The following TXLNB variants were observed in gnomAD, a reference collection of about 807,000 sequenced individuals.
TXLNB encodes beta-taxilin.
Under a neutral mutation model 57.4 loss-of-function variants are expected in TXLNB, and 37 were observed. The ratio of observed to expected loss-of-function variants is 0.64; its 90% CI spans 0.50 to 0.85. The LOEUF (loss-of-function observed/expected upper bound fraction) is 0.85. TXLNB is among the 40% of genes least tolerant of loss of function. The probability of loss-of-function intolerance (pLI) is 0.00; values close to 1 mark genes in which losing one functional copy is unlikely to be tolerated. For missense variants in TXLNB, 848 were observed against 825.6 expected (o/e 1.03, Z -0.33); for synonymous variants, 302 against 309.6 (o/e 0.98, Z 0.26).
At chr6:139,322,863 G>A in the TXLNB span, among the ~76,000 whole-genome samples, 1 of 152,134 alleles carries the variant, frequency 6.6e-6, no homozygotes, top group Non-Finnish European at 1.5e-5. Context: ...CCTCTTGCCT[G>A]TATGTTGCAT....
chr6:139,161,565 G>A, the TXLNB span, among the ~76,000 whole-genome samples: 1 of 152,218 alleles, frequency 6.6e-6, no homozygotes, highest in East Asian at 1.9e-4. Context: ...TGTAGGAAGT[G>A]CTCAGTATTG....
chr6:139,276,924 T>C lies in TXLNB; in HGVS notation c.425-3A>G, dbSNP rs754871101. The C allele has an allele frequency of 3.5e-6, 5 of 1,415,850 alleles. No individual in the cohort carries two copies. Among genetic ancestry groups the C allele is most frequent in the Non-Finnish European group, 2.9e-6 (3 of 1,049,028 alleles). The allele number at this position is 1,415,850 out of a possible 1,614,324, so 87.7% of individuals were successfully genotyped here. On this transcript the variant is annotated splice_region_variant and splice_polypyrimidine_tract_variant and intron_variant, in intron 2 of 9. Transcript: ENST00000358430. Reference sequence around the variant, plus strand: ...CATTAGCAGGTTGGCTTCTTTGCCTTAAAAAAAAAAGACATGAAAAAAATA... The same window carrying C: ...CATTAGCAGGTTGGCTTCTTTGCCTCAAAAAAAAAAGACATGAAAAAAATA...
Position 139,255,566 on chromosome 6 carries a change from G to A in TXLNB, c.1075C>T (p.Gln359Ter). The change falls in exon 7 of 10, where the codon CAG (glutamine) becomes TAG (stop). Residue 359 changes from glutamine (Q) to a stop codon, truncating the protein, a stop_gained and splice_region_variant. Transcript: ENST00000358430. LOFTEE classifies it high-confidence loss of function. The stretch of plus-strand genomic sequence containing the variant: ...ATGCCTCGTCCACCTGGCCTCACCT[G>A]AGCCTGCAGGACTGTCTCTTGCTCC... ...LKEQETVLQA[Q>*]LTLYSGRFEE... 1.2e-6 allele frequency: 2 copies of A among 1,613,814 alleles called. No homozygotes were observed. The highest frequency in any genetic ancestry group is 1.7e-6 in the Non-Finnish European group (2 of 1,179,792).
the TXLNB span, among the ~76,000 whole-genome samples, chr6:139,301,248 A>G: frequency 2.6e-5 from 4 of 152,180 alleles, no homozygotes; most frequent in African/African-American, 7.2e-5. Flanking sequence ...ATATATACCC[A>G]AGAGAGGTTG....
intron 7 of TXLNB, among the ~76,000 whole-genome samples, chr6:139,253,255 T>C (rs914766659): frequency 6.6e-6 from 1 of 152,234 alleles, no homozygotes; most frequent in African/African-American, 2.4e-5. Context: ...GGATGCATGA[T>C]TTGAAAACCA....
chr6:139,289,023 T>A (rs1394645642), intron 1 of TXLNB, 110 bp from the exon 2 acceptor site: 2 of 774,416 alleles, frequency 2.6e-6, no homozygotes, highest in Non-Finnish European at 3.9e-6. Flanking sequence ...AATTATAGTC[T>A]CTAACGTAGA....
At chr6:139,289,052 A>G (rs1209019898) in intron 1 of TXLNB, 139 bp from the exon 2 acceptor site, 8 of 679,374 alleles carry the variant, frequency 1.2e-5, no homozygotes, top group Non-Finnish European at 2.0e-5. Context: ...ATGTCCTTTC[A>G]CAAACCATTG....
upstream of TXLNB, among the ~76,000 whole-genome samples, chr6:139,294,703 T>C (rs1205496602): frequency 6.6e-6 from 1 of 152,162 alleles, no homozygotes; most frequent in African/African-American, 2.4e-5. Context: ...TAAATTTCCA[T>C]TGTTGGCCCG....
chr6:139,177,137 T>C, the TXLNB span: 2 of 808,310 alleles, frequency 2.5e-6, no homozygotes, highest in African/African-American at 1.7e-5. The surrounding 1 kb of genome is among the most constrained non-coding windows in gnomAD (Gnocchi z 4.9). Context: ...AGCTATTTTA[T>C]TGATATTATT....
intron 4 of TXLNB, among the ~76,000 whole-genome samples, chr6:139,268,090 C>A (rs922325369): frequency 7.0e-6 from 1 of 141,944 alleles, no homozygotes; most frequent in Non-Finnish European, 1.5e-5. Flanking sequence ...GCGGAGGTTG[C>A]AGTGAGCCGA....
Position 139,242,790 on chromosome 6 carries a change from T to G in TXLNB, c.1791A>C (p.Ala597=). ...GCTTCCAGGACGCCTGATCAGCCTG[T>G]GCTCCAACAGGGAGACCCTCGCATT... ...ETQCEGLPVG[A]QADQASWKPE... is the part of the protein sequence containing the mutation. The change falls in exon 10 of 10, where the codon GCA becomes GCC. Residue 597 remains alanine (A), a synonymous_variant. Coordinates refer to ENST00000358430, the MANE Select transcript of TXLNB (RefSeq NM_153235.4). 3 of 1,614,130 alleles carry G rather than the reference T, an allele frequency of 1.9e-6. No individual in the cohort carries two copies. The highest frequency in any genetic ancestry group is 2.5e-6 in the Non-Finnish European group (3 of 1,180,010).
chr6:139,165,688 G>A, the TXLNB span, among the ~76,000 whole-genome samples: 1 of 151,714 alleles, frequency 6.6e-6, no homozygotes, highest in African/African-American at 2.4e-5. Flanking sequence ...TAAGGAATCA[G>A]TGGAGTTCCC....
the TXLNB span, among the ~76,000 whole-genome samples, chr6:139,184,689 C>T: frequency 6.6e-6 from 1 of 152,180 alleles, no homozygotes; most frequent in Non-Finnish European, 1.5e-5. Context: ...GATTTGATAG[C>T]ATTGATCTAT....
chr6:139,292,155 G>GGGAAA (rs1274801831), upstream of TXLNB: 1 of 152,948 alleles, frequency 6.5e-6, no homozygotes, highest in Non-Finnish European at 1.5e-5. This position sits in a 1 kb window ranked among gnomAD's most constrained non-coding sequence, Gnocchi z 4.0. Context: ...GGTGGGGGTA[G>GGGAAA]GGAAAGGAAC....
intron 7 of TXLNB, among the ~76,000 whole-genome samples, chr6:139,254,196 CAGAAATATACTTTAA>C (rs1252815690): frequency 3.3e-5 from 5 of 152,112 alleles, no homozygotes; most frequent in African/African-American, 1.2e-4. Context: ...ATATGCATTG[CAGAAATATACTTTAA>C]GAAGGCTAGA....
intron 2 of TXLNB, among the ~76,000 whole-genome samples, chr6:139,282,786 C>T (rs1280018494): frequency 6.9e-6 from 1 of 145,610 alleles, no homozygotes; most frequent in African/African-American, 2.5e-5. Flanking sequence ...ACACAAAGTC[C>T]ATCCCTTGCT....
At chr6:139,213,424 A>G in the TXLNB span, among the ~76,000 whole-genome samples, 1 of 152,198 alleles carries the variant, frequency 6.6e-6, no homozygotes, top group Non-Finnish European at 1.5e-5. Context: ...GTTCTTTGAA[A>G]CCAATGAGAA....
chr6:139,164,080 ACTCTCT>A, the TXLNB span, among the ~76,000 whole-genome samples: 1 of 148,068 alleles, frequency 6.8e-6, no homozygotes, highest in African/African-American at 2.5e-5. Flanking sequence ...ACACACACAC[ACTCTCT>A]CTCTCTCTCT....
the TXLNB span, among the ~76,000 whole-genome samples, chr6:139,165,259 C>G: frequency 4.6e-5 from 7 of 152,088 alleles, no homozygotes; most frequent in African/African-American, 1.7e-4. Context: ...TTTAAAAAAA[C>G]AGATTTTATT....
Sources: gnomAD v4.1 joint callset for allele counts (sites outside exome capture counted in the v4.1 genomes callset) on GRCh38, gnomAD v4.1.1 for gene constraint, Gnocchi (gnomAD v3.1) non-coding constraint, MANE v1.5 for transcripts, NCBI Gene and HGNC (gene_info 2026-07-23, HGNC 2026-07-21) for gene names.